Variants in TRIM37 observed in about 807,000 individuals in gnomAD.
TRIM37 encodes E3 ubiquitin-protein ligase TRIM37.
A neutral mutation model predicts 129.8 loss-of-function variants in TRIM37; 80 were observed. The ratio of observed to expected loss-of-function variants is 0.62; its 90% CI spans 0.51 to 0.74. The LOEUF (loss-of-function observed/expected upper bound fraction) is 0.74, where lower values mean the gene tolerates loss of function less well. TRIM37 is among the 30% of genes least tolerant of loss of function. TRIM37 has a pLI of 0.00. For synonymous variants in TRIM37, 389 were observed against 387.1 expected, an observed-to-expected ratio of 1.00 and a Z score of -0.06; for missense variants, 1,054 against 1,176.5, an observed-to-expected ratio of 0.90 and a Z score of 1.52.
At chr17:59,001,215 G>T (rs866309674) in intron 23 of TRIM37, among the ~76,000 whole-genome samples, 1 of 130,500 alleles carries the variant, frequency 7.7e-6, no homozygotes, top group Non-Finnish European at 1.7e-5. Flanking sequence ...AAAAAAAAAA[G>T]AAAAAAAAAA....
chr17:59,027,597 T>A (rs2037382331), intron 19 of TRIM37, among the ~76,000 whole-genome samples: 1 of 152,222 alleles, frequency 6.6e-6, no homozygotes, highest in South Asian at 2.1e-4. Context: ...GATAATGTAA[T>A]AGGCTGTTAC....
rs35222079 is a variant in TRIM37, at chr17:58,992,322, AATATATATATATAT to A, written c.2891+7045_2891+7058del. Reference sequence around the variant, plus strand: ...TTATATATATATAAATACATATGTAAATATATATATATATATATATAAATACAGAGTACTGTCAA... The same window carrying A: ...TTATATATATATAAATACATATGTAAATATATAAATACAGAGTACTGTCAA... On this transcript the variant is annotated intron_variant, in intron 24 of 24. Coordinates refer to the TRIM37 transcript ENST00000393066. 1.1e-3 allele frequency among the ~76,000 whole-genome samples: 149 copies of A among 137,786 alleles called. 1 individual carries two copies. The highest frequency in any genetic ancestry group is 3.9e-3 in the African/African-American group (143 of 37,016). 90.4% of individuals were successfully genotyped at this position (137,786 alleles called of 152,430 possible).
intron 18 of TRIM37, among the ~76,000 whole-genome samples, chr17:59,029,298 T>C (rs2037580417): frequency 6.6e-6 from 1 of 152,192 alleles, no homozygotes; most frequent in African/African-American, 2.4e-5. Context: ...CTTCCATTTC[T>C]GATAATTTTC....
At chr17:59,089,621 AAG>A (rs1046205453) in intron 3 of TRIM37, among the ~76,000 whole-genome samples, 4 of 152,174 alleles carry the variant, frequency 2.6e-5, no homozygotes, top group African/African-American at 9.7e-5. Flanking sequence ...AGCCTGGCGA[AAG>A]AGTGAGACTC....
chr17:59,073,641 C>T (rs550874522), intron 8 of TRIM37, among the ~76,000 whole-genome samples: 11 of 152,278 alleles, frequency 7.2e-5, no homozygotes, highest in African/African-American at 2.2e-4. Context: ...CCCAGGCGAG[C>T]GCCGTGGCTA....
intron 16 of TRIM37, among the ~76,000 whole-genome samples, chr17:59,043,159 A>G (rs1009902745): frequency 5.3e-5 from 8 of 152,156 alleles, no homozygotes; most frequent in African/African-American, 1.9e-4. Context: ...AACAATCACT[A>G]TTACTTTATT....
intron 7 of TRIM37, among the ~76,000 whole-genome samples, chr17:59,078,702 C>T (rs145277682): frequency 2.6e-5 from 4 of 152,212 alleles, no homozygotes; most frequent in Admixed American, 6.5e-5. Flanking sequence ...AGAACAATTA[C>T]GATTTTCATT....
chr17:59,023,792 G>T (rs929144155), intron 19 of TRIM37, among the ~76,000 whole-genome samples: 1 of 152,162 alleles, frequency 6.6e-6, no homozygotes, highest in African/African-American at 2.4e-5. Context: ...CTAAGAAACT[G>T]TTGAGGTACC....
chr17:59,071,654 T>TACACCCGTGTGTACACACACAC lies in TRIM37; in HGVS notation c.685-729_685-708dup, dbSNP rs757641184. Reference sequence around the variant, plus strand: ...TGACAGAATACAAAACGTACACACATACACCCGTGTGTACACACACACACA... The same window carrying TACACCCGTGTGTACACACACAC: ...TGACAGAATACAAAACGTACACACATACACCCGTGTGTACACACACACACACCCGTGTGTACACACACACACA... On this transcript the variant is annotated intron_variant, in intron 8 of 23. Transcript: ENST00000262294. Among the ~76,000 whole-genome samples, 954 of 152,120 alleles carry TACACCCGTGTGTACACACACAC rather than the reference T, an allele frequency of 6.3e-3. 8 individuals are homozygous for TACACCCGTGTGTACACACACAC. The highest frequency in any genetic ancestry group is 9.2e-3 in the Non-Finnish European group (626 of 67,986).
At chr17:59,048,988 A>G (rs2040085450) in intron 15 of TRIM37, among the ~76,000 whole-genome samples, 190 bp downstream of exon 15, 1 of 152,184 alleles carries the variant, frequency 6.6e-6, no homozygotes, top group African/African-American at 2.4e-5. Flanking sequence ...TTTTTTTCAC[A>G]ACCTTGAAAT....
At chr17:58,970,718 G>C in the TRIM37 span, among the ~76,000 whole-genome samples, 35 of 152,122 alleles carry the variant, frequency 2.3e-4, no homozygotes, top group African/African-American at 7.9e-4. Context: ...GTAACCAGTA[G>C]AGTCCACACA....
chr17:59,090,357 A>G (rs749902833), intron 3 of TRIM37, among the ~76,000 whole-genome samples: 16 of 152,148 alleles, frequency 1.1e-4, no homozygotes, highest in Non-Finnish European at 2.4e-4. Flanking sequence ...TCATTGGTAC[A>G]TTTTAAGAAA....
chr17:59,036,483 T>TGTGTGTGC lies in TRIM37; in HGVS notation c.1754-4394_1754-4393insGCACACAC, dbSNP rs929536364. 8.5e-4 allele frequency among the ~76,000 whole-genome samples: 126 copies of TGTGTGTGC among 148,988 alleles called. 2 individuals are homozygous for TGTGTGTGC. The highest frequency in any genetic ancestry group is 2.9e-3 in the African/African-American group (118 of 40,358). On this transcript the variant is annotated intron_variant, in intron 17 of 23. Transcript: ENST00000262294. ...GTGTGTGTGTGTGTGTGTGTGTGTG[T>TGTGTGTGC]GCACGCGTGTGTTTTAAGAGACAGG...
intron 9 of TRIM37, among the ~76,000 whole-genome samples, chr17:59,067,290 A>T (rs1210182982): frequency 6.6e-6 from 1 of 151,984 alleles, no homozygotes; most frequent in African/African-American, 2.4e-5. Context: ...TAGTTTTAAA[A>T]TTTTCTCCTC....
At chr17:58,999,495 A>G in intron 23 of TRIM37, 36 bp from the exon 24 acceptor site, 1 of 1,534,394 alleles carries the variant, frequency 6.5e-7, no homozygotes, top group Non-Finnish European at 8.9e-7. Flanking sequence ...TTTAAAATTT[A>G]AAAGCATATA....
At chr17:59,062,773 C>T in intron 10 of TRIM37, 125 bp from the exon 11 acceptor site, 1 of 759,876 alleles carries the variant, frequency 1.3e-6, no homozygotes, top group African/African-American at 1.8e-5. Flanking sequence ...AACAAGGTGA[C>T]TGAACAGGTC....
At chr17:59,062,903 A>G (rs988509667) in intron 10 of TRIM37, among the ~76,000 whole-genome samples, 2 of 152,216 alleles carry the variant, frequency 1.3e-5, no homozygotes, top group Admixed American at 6.5e-5. Context: ...CAAAATTGTG[A>G]CATTTAAGGG....
chr17:58,996,377 G>T (rs1346323328), downstream of TRIM37, among the ~76,000 whole-genome samples: 1 of 151,724 alleles, frequency 6.6e-6, no homozygotes, highest in African/African-American at 2.4e-5. Context: ...GGCTGAAGCA[G>T]GAGAATGGCT....
chr17:59,003,377 A>G (rs1336149488), intron 22 of TRIM37, among the ~76,000 whole-genome samples: 1 of 152,186 alleles, frequency 6.6e-6, no homozygotes, highest in Admixed American at 6.5e-5. Context: ...AAATTAACAT[A>G]AAAATTGTTC....
Sources: allele counts gnomAD v4.1 joint callset (sites outside exome capture counted in the v4.1 genomes callset), GRCh38; gene constraint gnomAD v4.1.1; transcripts MANE v1.5; gene names NCBI Gene and HGNC (gene_info 2026-07-23, HGNC 2026-07-21).